The following NOP9 variants were observed in gnomAD, a reference collection of about 807,000 sequenced individuals.
NOP9 encodes the protein nucleolar protein 9.
Under a neutral mutation model 63.0 loss-of-function variants are expected in NOP9, and 50 were observed. That is an observed-to-expected ratio of 0.79 (90% CI 0.63 to 1.00). NOP9 has a LOEUF of 1.00. Ranked by LOEUF, NOP9 falls within the 50% of genes least tolerant of loss-of-function variation. NOP9 has a pLI of 0.00. For synonymous variants in NOP9, 343 were observed against 332.8 expected (o/e 1.03, Z -0.33); for missense variants, 758 against 803.0 (o/e 0.94, Z 0.68).
intron 2 of NOP9, among the ~76,000 whole-genome samples, chr14:24,301,243 T>G (rs1335011913): frequency 6.6e-6 from 1 of 152,186 alleles, no homozygotes; most frequent in Non-Finnish European, 1.5e-5. Context: ...TCTGCTCTAT[T>G]TCATTTAAAA....
Position 24,300,295 on chromosome 14 carries a change from C to G in NOP9, c.247+94C>G. 3.2e-6 allele frequency: 5 copies of G among 1,568,086 alleles called. No individual in the cohort carries two copies. The South Asian group carries it at 5.9e-5, about 19-fold the overall frequency. On this transcript the variant is annotated intron_variant, in intron 1 of 9. Transcript: ENST00000267425. ...TCGGCAGGGCGTGGGGACTTAGTTT[C>G]ATTTCCCATGTCCTCTTCCTCGGCC...
chr14:24,278,508 T>C, the NOP9 span, among the ~76,000 whole-genome samples: 1 of 152,202 alleles, frequency 6.6e-6, no homozygotes, highest in Non-Finnish European at 1.5e-5. Flanking sequence ...GGAGGAATAC[T>C]GGATGATGGC....
the NOP9 span, chr14:24,290,971 G>C: frequency 5.6e-6 from 9 of 1,614,122 alleles, no homozygotes; most frequent in Non-Finnish European, 7.6e-6. Context: ...AGAGCTCAAA[G>C]ACAAATAGTC....
upstream of NOP9, chr14:24,299,255 G>A (rs1378121351): frequency 1.2e-5 from 11 of 921,386 alleles, no homozygotes; most frequent in Non-Finnish European, 1.4e-5. Context: ...ATCCTTTGAG[G>A]GGAGAGGAGT....
intron 1 of NOP9, 54 bp downstream of exon 1, chr14:24,300,255 G>A (rs1470223539): frequency 1.9e-6 from 3 of 1,597,620 alleles, no homozygotes; most frequent in Non-Finnish European, 2.6e-6. Flanking sequence ...GGGCAGGCAA[G>A]GAAACTTTCT....
chr14:24,298,810 C>T (rs183728955), upstream of NOP9: 61 of 1,032,348 alleles, frequency 5.9e-5, no homozygotes, highest in African/African-American at 9.1e-4. Flanking sequence ...AAGTTATTTA[C>T]GGGGTTTTTA....
intron 5 of NOP9, 115 bp downstream of exon 5, chr14:24,302,539 A>G: frequency 9.4e-7 from 1 of 1,062,296 alleles, no homozygotes. Context: ...TTGCCCTTGA[A>G]AAGCTATTCT....
rs879362255 is a variant in NOP9 at position 24,300,399 on chromosome 14, C to T, written c.248-9C>T. On this transcript the variant is annotated splice_polypyrimidine_tract_variant and intron_variant, in intron 1 of 9. Transcript: ENST00000267425. ...GTCTCTTCAAAGTGTGTCTTTCTTC[C>T]CTTTTCAGATCTGATGGTGCACAAT... 1.2e-6 allele frequency: 2 copies of T among 1,606,562 alleles called. No homozygotes were observed. Among genetic ancestry groups the T allele is most frequent in the Non-Finnish European group, 1.7e-6 (2 of 1,175,760 alleles).
chr14:24,290,999 G>A, the NOP9 span: 3 of 1,614,078 alleles, frequency 1.9e-6, no homozygotes, highest in Non-Finnish European at 2.5e-6. Context: ...GGGCGGCCTG[G>A]GAACAACAGG....
chr14:24,296,691 A>AG (rs1343398446), upstream of NOP9: 3 of 1,613,710 alleles, frequency 1.9e-6, no homozygotes, highest in Non-Finnish European at 2.5e-6. Flanking sequence ...CAGGGGTCTG[A>AG]GGGGGAGGTC....
At chr14:24,292,109 G>A in the NOP9 span, 5 of 1,571,066 alleles carry the variant, frequency 3.2e-6, no homozygotes, top group Admixed American at 5.0e-5. Context: ...GTGAGTGGGA[G>A]TATCTGATCT....
Position 24,300,478 on chromosome 14 carries a change from CA to C in NOP9, c.319del (p.Ser107ValfsTer13). ...TAGCTTTGTCCACGAACAGGACTGG[CA>C]GTGAGATGCTGCAGGAACTGTTGGG... ...ALALSTNRTG[S>X]EMLQELLGFS... On this transcript the variant is annotated frameshift_variant, in exon 2 of 10. Coordinates refer to ENST00000267425, the MANE Select transcript of NOP9 (RefSeq NM_174913.3). LOFTEE classifies it high-confidence loss of function. 6.2e-7 allele frequency: 1 copy of C among 1,614,206 alleles called. No individual in the cohort carries two copies. Among genetic ancestry groups the C allele is most frequent in the East Asian group, 2.2e-5 (1 of 44,884 alleles).
rs747135519 is a variant in NOP9 at position 24,304,557 on chromosome 14, G to A, written c.1712G>A (p.Gly571Glu). ...CGTGTGCTAGATGCCATCTGGAGTG[G>A]AGCAGCCTTGAGGGCCCGGAAGGAA... ...GSRVLDAIWS[G>E]AALRARKEIA... is the part of the protein sequence containing the mutation. The change falls in exon 9 of 10, where the codon GGA (glycine) becomes GAA (glutamate). Residue 571 changes from glycine to glutamate, a missense_variant. Physicochemically the swap from Gly to Glu is moderately conservative, Grantham distance 98 (BLOSUM62 -2). Coordinates refer to ENST00000267425, the MANE Select transcript of NOP9 (RefSeq NM_174913.3). 8 of 1,613,476 alleles carry A rather than the reference G, an allele frequency of 5.0e-6. No individual in the cohort carries two copies. The South Asian group carries it at 7.7e-5, about 16-fold the overall frequency.
the NOP9 span, chr14:24,292,456 GC>G: frequency 9.5e-5 from 141 of 1,480,172 alleles, no homozygotes; most frequent in Admixed American, 2.6e-3. Context: ...GGTCTCAGCT[GC>G]CCACGCTCCC....
Position 24,307,382 on chromosome 14 carries a change from GCTC to G in NOP9, c.*2290_*2292del. On this transcript the variant is annotated 3_prime_UTR_variant, in exon 10 of 10. Transcript: ENST00000267425. ...CTTGGCCTACTTACTTTGGCTAGCA[GCTC>G]CTGGCGGGTGGCAGCTGTCAGGCCT... 2.5e-6 allele frequency: 4 copies of G among 1,613,678 alleles called. No homozygotes were observed.
chr14:24,281,237 C>T, the NOP9 span, among the ~76,000 whole-genome samples: 26 of 152,246 alleles, frequency 1.7e-4, no homozygotes, highest in African/African-American at 5.3e-4. Flanking sequence ...TGTGTGGGGC[C>T]GAGGCCAAGG....
chr14:24,292,071 G>T, the NOP9 span: 4 of 1,331,280 alleles, frequency 3.0e-6, no homozygotes, highest in Non-Finnish European at 4.3e-6. Context: ...CCCATGCTCA[G>T]CCCTGCACCT....
chr14:24,303,788 C>T lies in NOP9; in HGVS notation c.1341C>T (p.Ala447=), dbSNP rs962782531. 4 of 1,614,144 alleles carry T rather than the reference C, an allele frequency of 2.5e-6. No homozygotes were observed. Among genetic ancestry groups the T allele is most frequent in the Non-Finnish European group, 3.4e-6 (4 of 1,180,006 alleles). Residue 447 remains alanine (A), a synonymous_variant, in exon 7 of 10, where the codon GCC becomes GCT. Coordinates refer to ENST00000267425, the MANE Select transcript of NOP9 (RefSeq NM_174913.3). Reference sequence around the variant, plus strand: ...AAGTGGCCTGTGTGCCTCTCTTTGCCACTTTGATGGCTTATGAGGTGTACT... The same window carrying T: ...AAGTGGCCTGTGTGCCTCTCTTTGCTACTTTGATGGCTTATGAGGTGTACT... The part of the protein sequence containing the change: ...SRQVACVPLF[A]TLMAYEVYYG...
the NOP9 span, chr14:24,291,329 T>C: frequency 8.2e-7 from 1 of 1,226,648 alleles, no homozygotes; most frequent in Non-Finnish European, 1.2e-6. Context: ...TCAGGATCCC[T>C]GGAGAGCTCT....
Sources: gnomAD v4.1 joint callset for allele counts (sites outside exome capture counted in the v4.1 genomes callset) on GRCh38, gnomAD v4.1.1 for gene constraint, MANE v1.5 for transcripts, NCBI Gene and HGNC (gene_info 2026-07-23, HGNC 2026-07-21) for gene names.